GRAMD2B: variants seen among roughly 807,000 people sequenced by gnomAD.
GRAMD2B encodes GRAM domain containing 2B.
A neutral mutation model predicts 59.2 loss-of-function variants in GRAMD2B; 41 were observed. That is an observed-to-expected ratio of 0.69 (90% CI 0.54 to 0.90). The LOEUF is 0.90. Among genes scored for constraint, GRAMD2B ranks in the 40% least tolerant of loss-of-function variants. The pLI, the probability that GRAMD2B is intolerant of heterozygous loss-of-function variation, is 0.00. For missense variants in GRAMD2B, 424 were observed against 500.5 expected, an observed-to-expected ratio of 0.85 and a Z score of 1.46; for synonymous variants, 161 against 182.7, an observed-to-expected ratio of 0.88 and a Z score of 0.96.
At chr5:126,429,130 A>G (rs1761124236) in intron 1 of GRAMD2B, among the ~76,000 whole-genome samples, 1 of 152,184 alleles carries the variant, frequency 6.6e-6, no homozygotes, top group African/African-American at 2.4e-5. Context: ...AAGACATGGA[A>G]TCAACCTAAA....
intron 1 of GRAMD2B, among the ~76,000 whole-genome samples, chr5:126,399,038 C>T (rs904875905): frequency 1.3e-5 from 2 of 152,116 alleles, no homozygotes; most frequent in African/African-American, 2.4e-5. Flanking sequence ...GGAGAATATT[C>T]CATGTGCACT....
At chr5:126,394,222 G>C (rs960985010) in intron 1 of GRAMD2B, among the ~76,000 whole-genome samples, 4 of 151,494 alleles carry the variant, frequency 2.6e-5, no homozygotes, top group East Asian at 3.9e-4. Flanking sequence ...TTGCAGTGAG[G>C]CGAGATGGCG....
intron 1 of GRAMD2B, among the ~76,000 whole-genome samples, chr5:126,390,172 C>A (rs1435036528): frequency 6.6e-6 from 1 of 152,080 alleles, no homozygotes; most frequent in Non-Finnish European, 1.5e-5. Flanking sequence ...ATAGGCTGAA[C>A]TGAGATGACT....
intron 5 of GRAMD2B, among the ~76,000 whole-genome samples, chr5:126,477,134 T>G (rs943751733): frequency 2.3e-4 from 35 of 152,250 alleles, no homozygotes; most frequent in African/African-American, 8.2e-4. Flanking sequence ...AGCATTTCCT[T>G]TGACCATCAA....
chr5:126,428,757 C>A (rs1761031256), intron 1 of GRAMD2B, among the ~76,000 whole-genome samples: 1 of 152,080 alleles, frequency 6.6e-6, no homozygotes, highest in Non-Finnish European at 1.5e-5. Flanking sequence ...CAAAAGAAGA[C>A]ATATATACAG....
At chr5:126,409,724 T>G (rs1452595736) in intron 1 of GRAMD2B, among the ~76,000 whole-genome samples, 1 of 152,226 alleles carries the variant, frequency 6.6e-6, no homozygotes, top group Non-Finnish European at 1.5e-5. Context: ...TGGCTTTTGT[T>G]GCCATTGCTT....
At chr5:126,367,843 C>T (rs899415705), upstream of GRAMD2B, among the ~76,000 whole-genome samples, 5 of 152,184 alleles carry the variant, frequency 3.3e-5, no homozygotes, top group African/African-American at 7.2e-5. Flanking sequence ...GCTCCACCTT[C>T]CCGGTTCACG....
intron 1 of GRAMD2B, among the ~76,000 whole-genome samples, chr5:126,375,460 C>T (rs557204089): frequency 3.3e-4 from 50 of 151,972 alleles, no homozygotes; most frequent in Admixed American, 3.0e-3. Flanking sequence ...GCTCTGCCTT[C>T]CTGGGTTCAC....
intron 10 of GRAMD2B, 99 bp from the exon 11 acceptor site, chr5:126,485,586 TG>T (rs1772745637): frequency 1.5e-6 from 1 of 653,044 alleles, no homozygotes; most frequent in African/African-American, 1.9e-5. Context: ...TTCTTTTACC[TG>T]GGAACAATTA....
rs1291874251 is a variant in GRAMD2B at position 126,483,474 on chromosome 5, T to A, written c.747T>A (p.Asp249Glu). 1 of 1,603,840 alleles carries A rather than the reference T, an allele frequency of 6.2e-7. No individual in the cohort carries two copies. The highest frequency in any genetic ancestry group is 1.1e-5 in the South Asian group (1 of 90,740). The stretch of plus-strand genomic sequence containing the variant: ...CTGTTTCCTTTCAGGATTTCAATGA[T>A]GAATTCTCAGATCTGGATGGAGTGG... ...RPSSLPLDFNDEFSDLDGVVQ... is the reference protein window; with the variant it reads ...RPSSLPLDFNEEFSDLDGVVQ... Residue 249 changes from aspartate (D) to glutamate (E), a missense_variant, in exon 9 of 14, where the codon GAT becomes GAA. Physicochemically the swap from Asp to Glu is conservative, Grantham distance 45. Coordinates refer to ENST00000285689, the MANE Select transcript of GRAMD2B (RefSeq NM_023927.4).
chr5:126,407,344 G>A (rs1435212405), intron 1 of GRAMD2B, among the ~76,000 whole-genome samples: 1 of 151,916 alleles, frequency 6.6e-6, no homozygotes, highest in African/African-American at 2.4e-5. Flanking sequence ...AGAACAGCAG[G>A]ACTAAATCAA....
chr5:126,486,960 G>A lies in GRAMD2B; in HGVS notation c.1146G>A (p.Val382=). Reference sequence around the variant, plus strand: ...AGCTGGGGTTACTAACCTCCATTGTGGACACCCATAATACTGAGTAAGACG... The same window carrying A: ...AGCTGGGGTTACTAACCTCCATTGTAGACACCCATAATACTGAGTAAGACG... ...EEQLGLLTSI[V]DTHNTEQAAP... is the part of the protein sequence containing the mutation. Residue 382 remains valine (V), a synonymous_variant, in exon 12 of 14, where the codon GTG becomes GTA. Coordinates refer to ENST00000285689, the MANE Select transcript of GRAMD2B (RefSeq NM_023927.4). 6.3e-7 allele frequency: 1 copy of A among 1,593,656 alleles called. No individual in the cohort carries two copies. The highest frequency in any genetic ancestry group is 8.6e-7 in the Non-Finnish European group (1 of 1,162,024).
intron 1 of GRAMD2B, 200 bp from the exon 2 acceptor site, chr5:126,465,213 TGAAACAGGTGCGA>T (rs1768082279): frequency 1.4e-6 from 2 of 1,405,722 alleles, no homozygotes; most frequent in African/African-American, 2.9e-5. Context: ...CATTTACAAG[TGAAACAGGTGCGA>T]CCTGCAGCTA....
At chr5:126,469,023 A>G (rs761434765) in intron 2 of GRAMD2B, among the ~76,000 whole-genome samples, 3 of 152,218 alleles carry the variant, frequency 2.0e-5, no homozygotes, top group Non-Finnish European at 4.4e-5. Flanking sequence ...TGAAACAAAA[A>G]TATTCTTTGA....
intron 1 of GRAMD2B, among the ~76,000 whole-genome samples, chr5:126,384,230 G>A (rs528046791): frequency 4.6e-5 from 7 of 152,206 alleles, no homozygotes; most frequent in African/African-American, 1.7e-4. Context: ...TGAAATCTCT[G>A]TTGGTGACTG....
At chr5:126,462,544 A>AGGAAG in intron 1 of GRAMD2B, 1 of 510,324 alleles carries the variant, frequency 2.0e-6, no homozygotes, top group Non-Finnish European at 2.5e-6. Flanking sequence ...TGACTCGTAG[A>AGGAAG]TGAATTTCAC....
rs931375590 is a variant in GRAMD2B, at chr5:126,436,377, G to A, written c.83+12688G>A. 1.6e-4 allele frequency among the ~76,000 whole-genome samples: 25 copies of A among 152,076 alleles called. 1 individual carries two copies. The highest frequency in any genetic ancestry group is 3.9e-4 in the Admixed American group (6 of 15,272). On this transcript the variant is annotated intron_variant, in intron 1 of 13. Transcript: ENST00000285689. Reference sequence around the variant, plus strand: ...TCCCCTAGAACATTAGGCCCGGTGCGGTGACTCACACCTATAATCCCAGCA... The same window carrying A: ...TCCCCTAGAACATTAGGCCCGGTGCAGTGACTCACACCTATAATCCCAGCA...
chr5:126,390,012 G>T (rs1756586962), intron 1 of GRAMD2B, among the ~76,000 whole-genome samples: 1 of 152,140 alleles, frequency 6.6e-6, no homozygotes, highest in South Asian at 2.1e-4. Context: ...CTAACAAAGG[G>T]TTTTACTTTT....
At chr5:126,469,891 A>G (rs932935207) in intron 3 of GRAMD2B, 103 bp downstream of exon 3, 2 of 752,760 alleles carry the variant, frequency 2.7e-6, no homozygotes, top group African/African-American at 1.8e-5. Flanking sequence ...GGTCAAGACT[A>G]ATATAGGTAT....
Sources: gnomAD v4.1 joint callset for allele counts (sites outside exome capture counted in the v4.1 genomes callset) on GRCh38, gnomAD v4.1.1 for gene constraint, MANE v1.5 for transcripts, NCBI Gene and HGNC (gene_info 2026-07-23, HGNC 2026-07-21) for gene names.